The following CHERP variants were observed in gnomAD, a reference collection of about 807,000 sequenced individuals.
CHERP encodes the protein ERPROT 213-21.
A neutral mutation model predicts 113.8 loss-of-function variants in CHERP; 8 were observed. The ratio of observed to expected loss-of-function variants is 0.07; its 90% CI spans 0.04 to 0.13. The LOEUF (loss-of-function observed/expected upper bound fraction) is 0.13, where lower values mean the gene tolerates loss of function less well. CHERP is among the 10% of genes least tolerant of loss of function. The pLI is 1.00. For missense variants in CHERP, 884 were observed against 1,298.2 expected (o/e 0.68, Z 4.90); for synonymous variants, 559 against 524.5 (o/e 1.07, Z -0.90).
In CHERP at chr19:16,519,104, G is replaced by T; in HGVS notation, c.*55C>A. ...GCAATCTTCCTCTGCCAGTCAGCCA[G>T]GAAGGTCCCACAGCCGGCACCGCTG... On this transcript the variant is annotated 3_prime_UTR_variant, in exon 17 of 17. Transcript: ENST00000546361. The surrounding 1 kb of genome is among the most constrained non-coding windows in gnomAD (Gnocchi z 6.0). 6.6e-7 allele frequency: 1 copy of T among 1,505,126 alleles called. No homozygotes were observed. The allele number at this position is 1,505,126 out of a possible 1,614,324, so 93.2% of individuals were successfully genotyped here.
chr19:16,520,138 C>T lies in CHERP; in HGVS notation c.2462+11G>A. 6.2e-7 allele frequency: 1 copy of T among 1,611,646 alleles called. No individual in the cohort carries two copies. On this transcript the variant is annotated intron_variant, in intron 15 of 16. Transcript: ENST00000546361. This position sits in a 1 kb window ranked among gnomAD's most constrained non-coding sequence, Gnocchi z 4.0. ...AGAGTTACCAGCGCAGCACTTAAGA[C>T]AGGATCTTACGGCGGGGTGGGGCTC...
chr19:16,533,891 G>C (rs761143830), intron 3 of CHERP, among the ~76,000 whole-genome samples: 1 of 152,174 alleles, frequency 6.6e-6, no homozygotes, highest in Non-Finnish European at 1.5e-5. Context: ...AGTGAAGCAA[G>C]AAGGGGGCAA....
At chr19:16,531,563 AG>A (rs1363581487) in intron 5 of CHERP, among the ~76,000 whole-genome samples, 1 of 152,162 alleles carries the variant, frequency 6.6e-6, no homozygotes, top group East Asian at 1.9e-4. Context: ...AGCTTGCCGC[AG>A]GGGGCTCAGG....
Position 16,520,592 on chromosome 19 carries a change from C to T in CHERP, c.2202-85G>A, listed in dbSNP as rs2085603107. The T allele has an allele frequency of 1.4e-6, 2 of 1,463,732 alleles. No homozygotes were observed. The highest frequency in any genetic ancestry group is 2.3e-5 in the East Asian group (1 of 44,074). 90.7% of individuals were successfully genotyped at this position (1,463,732 alleles called of 1,614,324 possible). On this transcript the variant is annotated intron_variant, in intron 13 of 16. Coordinates refer to ENST00000546361, the MANE Select transcript of CHERP (RefSeq NM_006387.6). This position sits in a 1 kb window ranked among gnomAD's most constrained non-coding sequence, Gnocchi z 4.0. ...TGGCCCTCAGGTTCCTAGACCACCC[C>T]AGATGCAGGGGCTCTGGCTGTGGAT...
rs1161171844 is a variant in CHERP, at chr19:16,530,152, C to CGT, written c.877-254_877-253dup. Among the ~76,000 whole-genome samples the CGT allele has an allele frequency of 1.3e-4, 20 of 152,204 alleles. No homozygotes were observed. The highest frequency in any genetic ancestry group is 2.8e-4 in the Non-Finnish European group (19 of 68,044). On this transcript the variant is annotated intron_variant, in intron 7 of 16. Coordinates refer to ENST00000546361, the MANE Select transcript of CHERP (RefSeq NM_006387.6). The surrounding 1 kb of genome is among the most constrained non-coding windows in gnomAD (Gnocchi z 4.1). ...TGATAACAGAACGAGCAACGACAGC[C>CGT]GTGTCCTGGCCGCTTCGTGGCTGCT...
In CHERP at chr19:16,523,822, C is replaced by T. The variant is rs368549059; in HGVS notation, c.1742-532G>A. The stretch of plus-strand genomic sequence containing the variant: ...ACCTCCACCTTGGACCTCCAGCCCC[C>T]AGATCCTTAAGACAATACATTCCAG... On this transcript the variant is annotated intron_variant, in intron 10 of 16. Coordinates refer to ENST00000546361, the MANE Select transcript of CHERP (RefSeq NM_006387.6). This position sits in a 1 kb window ranked among gnomAD's most constrained non-coding sequence, Gnocchi z 4.0. 9.8e-5 allele frequency among the ~76,000 whole-genome samples: 15 copies of T among 152,344 alleles called. No individual in the cohort carries two copies. The East Asian group carries it at 1.9e-3, about 20-fold the overall frequency.
At position 16,520,498 on chromosome 19, in the gene CHERP, C is replaced by T. The variant is rs529370662; in HGVS notation, c.2211G>A (p.Ser737=). 48 of 1,612,990 alleles carry T rather than the reference C, an allele frequency of 3.0e-5. No homozygotes were observed. Among genetic ancestry groups the T allele is most frequent in the East Asian group, 6.7e-5 (3 of 44,866 alleles). Reference sequence around the variant, plus strand: ...GACTCTTGGATCTGCTCCGAGACCTCGAGGGTCCGCTGTGGGGAGAGGCCT... The same window carrying T: ...GACTCTTGGATCTGCTCCGAGACCTTGAGGGTCCGCTGTGGGGAGAGGCCT... ...KGQEKRNSGP[S]RSRSRSKSRG... is the part of the protein sequence containing the mutation. Residue 737 remains serine, a synonymous_variant, in exon 14 of 17, where the codon TCG becomes TCA. Transcript: ENST00000546361. This position sits in a 1 kb window ranked among gnomAD's most constrained non-coding sequence, Gnocchi z 4.0.
At chr19:16,538,341 G>A (rs2085754968) in intron 2 of CHERP, among the ~76,000 whole-genome samples, 1 of 152,052 alleles carries the variant, frequency 6.6e-6, no homozygotes, top group South Asian at 2.1e-4. Flanking sequence ...TTTTCACCTG[G>A]CCAACTCCAA....
intron 12 of CHERP, chr19:16,521,259 G>A: frequency 3.5e-6 from 2 of 568,198 alleles, no homozygotes; most frequent in South Asian, 4.5e-5. Context: ...TGGGCTGAGG[G>A]CCCTGTGGCA....
chr19:16,535,529 G>T lies in CHERP; in HGVS notation c.307C>A (p.Pro103Thr). ...TGCTGGATGAGCTCGTCCATGGATG[G>T]CGCGCCCTGGGCCGGCGGGATGGGC... ...AAPIPPAQGA[P>T]SMDELIQQSQ... Residue 103 changes from proline to threonine, a missense_variant, in exon 3 of 17, where the codon CCA (proline) becomes ACA (threonine). By Grantham distance (38) the Pro-to-Thr change is conservative. Around this residue, in one of 8 missense-constraint regions of CHERP, gnomAD observed 109 missense variants for 134.2 expected, o/e 0.81. Transcript: ENST00000546361. The surrounding 1 kb of genome is among the most constrained non-coding windows in gnomAD (Gnocchi z 4.3). 6.2e-7 allele frequency: 1 copy of T among 1,603,078 alleles called. No individual in the cohort carries two copies. Among genetic ancestry groups the T allele is most frequent in the Non-Finnish European group, 8.5e-7 (1 of 1,175,116 alleles).
intron 2 of CHERP, among the ~76,000 whole-genome samples, chr19:16,540,707 T>C (rs1052467051): frequency 1.7e-4 from 25 of 151,154 alleles, no homozygotes; most frequent in African/African-American, 5.6e-4. Context: ...TTCTTTCTTT[T>C]TTTTTTTTGA....
intron 2 of CHERP, among the ~76,000 whole-genome samples, chr19:16,539,153 T>A (rs1000242684): frequency 6.7e-6 from 1 of 150,000 alleles, no homozygotes; most frequent in East Asian, 1.9e-4. Flanking sequence ...ACGGTTTTTT[T>A]TTTTTTTTTT....
intron 3 of CHERP, among the ~76,000 whole-genome samples, chr19:16,533,962 C>A (rs12462680): frequency 6.6e-6 from 1 of 152,044 alleles, no homozygotes; most frequent in African/African-American, 2.4e-5. Flanking sequence ...AGCTGCCATG[C>A]GGACCAGCGG....
chr19:16,519,126 G>A lies in CHERP; in HGVS notation c.*33C>T, dbSNP rs200671301. ...CCAGGAAGGTCCCACAGCCGGCACC[G>A]CTGGCCACCGGCGCGGCTCCCGGCA... On this transcript the variant is annotated 3_prime_UTR_variant, in exon 17 of 17. Transcript: ENST00000546361. The surrounding 1 kb of genome is among the most constrained non-coding windows in gnomAD (Gnocchi z 6.0). 7.7e-5 allele frequency: 123 copies of A among 1,592,134 alleles called. No individual in the cohort carries two copies. The African/African-American group carries it at 1.2e-3, about 16-fold the overall frequency.
rs1296786650 is a variant in CHERP, at chr19:16,522,239, G to A, written c.1981-585C>T. Among the ~76,000 whole-genome samples, 4 of 151,844 alleles carry A rather than the reference G, an allele frequency of 2.6e-5. No homozygotes were observed. In the East Asian group the frequency reaches 5.9e-4, roughly 22 times the overall value. On this transcript the variant is annotated intron_variant, in intron 11 of 16. Coordinates refer to ENST00000546361, the MANE Select transcript of CHERP (RefSeq NM_006387.6). ...GCCAGCATGCCCTTGGAGGCCCCAAGCCCCGGCCCTGGCCTCCCCAACCCC... is the reference window on the plus strand; with the variant it reads ...GCCAGCATGCCCTTGGAGGCCCCAAACCCCGGCCCTGGCCTCCCCAACCCC...
chr19:16,536,298 C>T (rs976965522), intron 2 of CHERP, among the ~76,000 whole-genome samples: 5 of 152,130 alleles, frequency 3.3e-5, no homozygotes, highest in Non-Finnish European at 7.4e-5. Flanking sequence ...TCAGGGTGGG[C>T]GCAGGTCCCA....
chr19:16,537,744 T>C (rs2122286032), intron 2 of CHERP, among the ~76,000 whole-genome samples: 1 of 152,266 alleles, frequency 6.6e-6, no homozygotes, highest in African/African-American at 2.4e-5. Context: ...TCTTCCTGCA[T>C]CAGGTCCCAT....
At chr19:16,522,977 A>T in intron 11 of CHERP, 75 bp downstream of exon 11, 1 of 1,453,632 alleles carries the variant, frequency 6.9e-7, no homozygotes. Flanking sequence ...GGTCCCGTGC[A>T]TTCACTTTTC....
At chr19:16,524,995 C>CG (rs2085647223) in intron 10 of CHERP, among the ~76,000 whole-genome samples, 1 of 152,182 alleles carries the variant, frequency 6.6e-6, no homozygotes, top group Non-Finnish European at 1.5e-5. Context: ...CGCCCACCCA[C>CG]GGCAGGAACC....
Sources: allele counts gnomAD v4.1 joint callset (sites outside exome capture counted in the v4.1 genomes callset), GRCh38; gene constraint gnomAD v4.1.1; regional missense constraint gnomAD v4.1.1; non-coding constraint Gnocchi (gnomAD v3.1); transcripts MANE v1.5; gene names NCBI Gene and HGNC (gene_info 2026-07-23, HGNC 2026-07-21).